Variants in MFHAS1 observed in about 807,000 individuals in gnomAD.
The protein encoded by MFHAS1 is multifunctional ROCO family signaling regulator 1.
Under a neutral mutation model 70.4 loss-of-function variants are expected in MFHAS1, and 50 were observed. The observed-to-expected ratio is 0.71, with a 90% CI of 0.57 to 0.90. The LOEUF (loss-of-function observed/expected upper bound fraction) is 0.90. Among genes scored for constraint, MFHAS1 ranks in the 40% least tolerant of loss-of-function variants. The pLI, the probability that MFHAS1 is intolerant of heterozygous loss-of-function variation, is 0.00. For missense variants in MFHAS1, 1,795 were observed against 1,347.6 expected, an observed-to-expected ratio of 1.33 and a Z score of -5.20; for synonymous variants, 952 against 620.0, an observed-to-expected ratio of 1.54 and a Z score of -7.96.
rs1808008335 is a variant in MFHAS1 at position 8,845,724 on chromosome 8, A to G, written c.2998+44337T>C. The stretch of plus-strand genomic sequence containing the variant: ...TTATCCCTATAGAAAAGCATAGAGA[A>G]GACTGAATGAGACAATAATAGCTTT... On this transcript the variant is annotated intron_variant, in intron 1 of 2. Coordinates refer to ENST00000276282, the MANE Select transcript of MFHAS1 (RefSeq NM_004225.3). Among the ~76,000 whole-genome samples, 3 of 152,222 alleles carry G rather than the reference A, an allele frequency of 2.0e-5. No homozygotes were observed. In the South Asian group the frequency reaches 6.2e-4, roughly 32 times the overall value.
intron 1 of MFHAS1, among the ~76,000 whole-genome samples, chr8:8,843,636 G>C (rs1807923290): frequency 6.6e-6 from 1 of 152,144 alleles, no homozygotes; most frequent in Non-Finnish European, 1.5e-5. Context: ...AGGGAGCGGG[G>C]TCTGTTTGGG....
At chr8:8,832,986 C>A (rs572367824) in intron 1 of MFHAS1, among the ~76,000 whole-genome samples, 2 of 152,188 alleles carry the variant, frequency 1.3e-5, no homozygotes, top group African/African-American at 4.8e-5. Context: ...ACAAAAAGCA[C>A]GGAAGCATCT....
At chr8:8,852,004 G>A (rs562145886) in intron 1 of MFHAS1, among the ~76,000 whole-genome samples, 52 of 152,284 alleles carry the variant, frequency 3.4e-4, no homozygotes, top group Middle Eastern at 3.4e-3. Context: ...CAGGAACAGC[G>A]ATGCCAAGCC....
chr8:8,874,609 A>G (rs1051883443), intron 1 of MFHAS1, among the ~76,000 whole-genome samples: 2 of 152,206 alleles, frequency 1.3e-5, no homozygotes, highest in African/African-American at 4.8e-5. Context: ...TGAATCTACC[A>G]TCCACATATG....
At chr8:8,805,036 T>G (rs997480210) in intron 1 of MFHAS1, among the ~76,000 whole-genome samples, 1 of 152,216 alleles carries the variant, frequency 6.6e-6, no homozygotes, top group Admixed American at 6.5e-5. Context: ...AGAGCTGCAG[T>G]TGGTCCAAGG....
Position 8,783,602 on chromosome 8 carries a change from T to G in MFHAS1, c.*2420A>C, listed in dbSNP as rs1245032139. 1 of 152,188 alleles carries G rather than the reference T, an allele frequency of 6.6e-6. No homozygotes were observed. The highest frequency in any genetic ancestry group is 6.5e-5 in the Admixed American group (1 of 15,278). The allele number at this position is 152,188 out of a possible 1,614,324, so 9.4% of individuals were successfully genotyped here. A position where few individuals can be genotyped will look rare whatever the true frequency, so the allele number is the denominator to read the frequency against. On this transcript the variant is annotated 3_prime_UTR_variant, in exon 3 of 3. Coordinates refer to ENST00000276282, the MANE Select transcript of MFHAS1 (RefSeq NM_004225.3). ...GGGGGAAAAACATTTATTTTGGCAG[T>G]GCTTTGACAATTCCAGGAAGTGGTT... is the stretch of plus-strand genomic sequence containing the variant.
chr8:8,840,650 T>C (rs1807785889), intron 1 of MFHAS1, among the ~76,000 whole-genome samples: 1 of 152,128 alleles, frequency 6.6e-6, no homozygotes, highest in South Asian at 2.1e-4. Context: ...CACAATCTTT[T>C]AAGATGGATG....
intron 1 of MFHAS1, among the ~76,000 whole-genome samples, chr8:8,815,128 G>C (rs985540707): frequency 2.6e-5 from 4 of 152,094 alleles, no homozygotes; most frequent in Non-Finnish European, 5.9e-5. Context: ...TTGGTTTTCT[G>C]TTCCTGTGTT....
intron 1 of MFHAS1, among the ~76,000 whole-genome samples, chr8:8,815,607 C>G (rs2117292193): frequency 6.6e-6 from 1 of 152,270 alleles, no homozygotes; most frequent in African/African-American, 2.4e-5. Context: ...TCACATTTTT[C>G]TAATGACCAG....
At chr8:8,849,750 A>T (rs1808172321) in intron 1 of MFHAS1, among the ~76,000 whole-genome samples, 1 of 152,224 alleles carries the variant, frequency 6.6e-6, no homozygotes, top group Non-Finnish European at 1.5e-5. Flanking sequence ...GTAAGGGTAG[A>T]TAAGCTTTAC....
intron 1 of MFHAS1, among the ~76,000 whole-genome samples, chr8:8,834,407 G>C (rs923250781): frequency 1.3e-5 from 2 of 152,152 alleles, no homozygotes; most frequent in African/African-American, 4.8e-5. Flanking sequence ...CTCACCCAGA[G>C]ACACTTCCAG....
chr8:8,890,129 T>C lies in MFHAS1; in HGVS notation c.2930A>G (p.His977Arg), dbSNP rs1378340803. 5 of 1,614,072 alleles carry C rather than the reference T, an allele frequency of 3.1e-6. No homozygotes were observed. The African/African-American group carries it at 5.3e-5, about 17-fold the overall frequency. Residue 977 changes from histidine to arginine, a missense_variant, in exon 1 of 3, where the codon CAC becomes CGC. His to Arg is a conservative substitution (Grantham distance 29). Transcript: ENST00000276282. ...NVLLQEWPGL[H>R]YTVHILCSKC... ...AGAACAGAGAATGTGCACGGTGTAG[T>C]GCAGTCCAGGCCATTCCTGAAGTAG...
intron 1 of MFHAS1, among the ~76,000 whole-genome samples, chr8:8,861,508 T>C (rs1808660174): frequency 6.6e-6 from 1 of 152,222 alleles, no homozygotes; most frequent in South Asian, 2.1e-4. Flanking sequence ...CAAATTAGTG[T>C]GAAAACAGCA....
chr8:8,884,241 T>C (rs563643211), intron 1 of MFHAS1, among the ~76,000 whole-genome samples: 45 of 152,328 alleles, frequency 3.0e-4, no homozygotes, highest in African/African-American at 9.9e-4. Context: ...TAGAACTCTA[T>C]TCTGCACAGT....
chr8:8,800,905 A>G (rs1268039534), intron 1 of MFHAS1, among the ~76,000 whole-genome samples: 1 of 151,842 alleles, frequency 6.6e-6, no homozygotes, highest in African/African-American at 2.4e-5. Flanking sequence ...CGGTGGTCAG[A>G]TCATTTTGCC....
Position 8,797,390 on chromosome 8 carries a change from G to C in MFHAS1, c.3100C>G (p.Pro1034Ala). The change falls in exon 2 of 3, where the codon CCG (proline) becomes GCG (alanine). Residue 1034 changes from proline to alanine, a missense_variant. Transcript: ENST00000276282. ...TTGGAACAGGGGCTGATCACAGTCGGCGTGGGTGGGTAAACCAAGGCAACA... is the reference window on the plus strand; with the variant it reads ...TTGGAACAGGGGCTGATCACAGTCGCCGTGGGTGGGTAAACCAAGGCAACA... ...VNVALVYPPT[P>A]TVISPCSKKN... is the part of the protein sequence containing the mutation. 2 of 1,614,096 alleles carry C rather than the reference G, an allele frequency of 1.2e-6. No homozygotes were observed. Among genetic ancestry groups the C allele is most frequent in the Non-Finnish European group, 1.7e-6 (2 of 1,180,000 alleles).
intron 1 of MFHAS1, among the ~76,000 whole-genome samples, chr8:8,854,121 G>C (rs1012594813): frequency 6.6e-6 from 1 of 152,256 alleles, no homozygotes; most frequent in African/African-American, 2.4e-5. Flanking sequence ...TATACGCTGG[G>C]TGTGGTGGCT....
In MFHAS1 at chr8:8,849,064, C is replaced by CTTTTT. The variant is rs145250762; in HGVS notation, c.2998+40992_2998+40996dup. Among the ~76,000 whole-genome samples, 215 of 75,800 alleles carry CTTTTT rather than the reference C, an allele frequency of 2.8e-3. 11 individuals carry two copies. The highest frequency in any genetic ancestry group is 3.6e-3 in the Non-Finnish European group (149 of 41,538). 49.7% of individuals were successfully genotyped at this position (75,800 alleles called of 152,430 possible). A position where few individuals can be genotyped will look rare whatever the true frequency, so the allele number is the denominator to read the frequency against. ...TCTGCAGCAATTAATTCCTTTTTAC[C>CTTTTT]TTTTTTTTTTTTTTTTTTTTTTTTT... On this transcript the variant is annotated intron_variant, in intron 1 of 2. Coordinates refer to ENST00000276282, the MANE Select transcript of MFHAS1 (RefSeq NM_004225.3).
intron 1 of MFHAS1, among the ~76,000 whole-genome samples, chr8:8,820,738 C>G (rs1426334485): frequency 6.6e-6 from 1 of 152,190 alleles, no homozygotes; most frequent in Non-Finnish European, 1.5e-5. Context: ...ATGGGAAAAA[C>G]TCCAGGGGTG....
Sources: gnomAD v4.1 joint callset for allele counts (sites outside exome capture counted in the v4.1 genomes callset) on GRCh38, gnomAD v4.1.1 for gene constraint, MANE v1.5 for transcripts, NCBI Gene and HGNC (gene_info 2026-07-23, HGNC 2026-07-21) for gene names.